THOC5: variants seen among roughly 807,000 people sequenced by gnomAD.
The protein encoded by THOC5 is Fms-interacting protein.
THOC5 carries 43 observed loss-of-function variants against 92.9 expected under a neutral mutation model. The ratio of observed to expected loss-of-function variants is 0.46; its 90% CI spans 0.36 to 0.60. The LOEUF is 0.60. Ranked by LOEUF, THOC5 falls within the 20% of genes least tolerant of loss-of-function variation. The pLI is 0.00. For missense variants in THOC5, 659 were observed against 849.4 expected, an observed-to-expected ratio of 0.78 and a Z score of 2.79; for synonymous variants, 296 against 320.1, an observed-to-expected ratio of 0.92 and a Z score of 0.80.
At chr22:29,519,944 A>T in intron 14 of THOC5, 64 bp downstream of exon 14, 1 of 1,406,976 alleles carries the variant, frequency 7.1e-7, no homozygotes, top group Non-Finnish European at 9.9e-7. Flanking sequence ...TGGCCTTTCT[A>T]GAGTCTATAC....
intron 6 of THOC5, among the ~76,000 whole-genome samples, chr22:29,538,326 C>T (rs2063802852): frequency 6.6e-6 from 1 of 152,044 alleles, no homozygotes; most frequent in African/African-American, 2.4e-5. Context: ...ACCTAAAATC[C>T]AACAGGGGAA....
chr22:29,552,874 C>CTT (rs1344719862), intron 1 of THOC5, among the ~76,000 whole-genome samples: 1 of 151,746 alleles, frequency 6.6e-6, no homozygotes, highest in Non-Finnish European at 1.5e-5. Flanking sequence ...ACAAGGGAGA[C>CTT]TCCATTTTGT....
At chr22:29,520,954 A>G (rs779993676) in intron 13 of THOC5, 44 bp downstream of exon 13, 4 of 1,485,804 alleles carry the variant, frequency 2.7e-6, no homozygotes, top group Non-Finnish European at 3.8e-6. Flanking sequence ...CACCAGAGAA[A>G]CTCAGAAGTA....
rs2063431573 is a variant in THOC5, at chr22:29,521,034, G to A, written c.1241C>T (p.Pro414Leu). 3 of 1,614,066 alleles carry A rather than the reference G, an allele frequency of 1.9e-6. No homozygotes were observed. The highest frequency in any genetic ancestry group is 2.5e-6 in the Non-Finnish European group (3 of 1,179,998). Residue 414 changes from proline (P) to leucine (L), a missense_variant, in exon 13 of 20, where the codon CCG (proline) becomes CTG (leucine). Physicochemically the swap from Pro to Leu is moderately conservative, Grantham distance 98. Coordinates refer to ENST00000490103, the MANE Select transcript of THOC5 (RefSeq NM_003678.5). ...LYPGDHGKKT[P>L]NPANQYQFDK... The stretch of plus-strand genomic sequence containing the variant: ...AAACTGATACTGATTGGCTGGATTC[G>A]GAGTTTTCTTTCCATGATCCCCAGG...
Position 29,507,400 on chromosome 22 carries a change from C to T in THOC5, c.*1057G>A, listed in dbSNP as rs916030918. Reference sequence around the variant, plus strand: ...TATTTTTGAGACGGAGTCTCACTCTCGCCCAAGCCGGAGCGCAGGAGCGTG... The same window carrying T: ...TATTTTTGAGACGGAGTCTCACTCTTGCCCAAGCCGGAGCGCAGGAGCGTG... On this transcript the variant is annotated 3_prime_UTR_variant, in exon 20 of 20. Coordinates refer to ENST00000490103, the MANE Select transcript of THOC5 (RefSeq NM_003678.5). The T allele has an allele frequency of 7.2e-5, 11 of 152,180 alleles. No homozygotes were observed. The highest frequency in any genetic ancestry group is 1.9e-4 in the East Asian group (1 of 5,196). The allele number at this position is 152,180 out of a possible 1,614,324, so 9.4% of individuals were successfully genotyped here.
intron 7 of THOC5, chr22:29,535,261 CAAAAAAAAAA>C (rs572658824): frequency 1.7e-5 from 1 of 58,930 alleles, no homozygotes; most frequent in Non-Finnish European, 3.3e-5. Context: ...ACTCTGTCTC[CAAAAAAAAAA>C]AAAAAAAAAG....
At chr22:29,512,205 C>T in intron 17 of THOC5, 69 bp from the exon 18 acceptor site, 1 of 1,212,224 alleles carries the variant, frequency 8.2e-7, no homozygotes, top group Non-Finnish European at 1.2e-6. Flanking sequence ...GCAGCCTCCC[C>T]ACTGCACCCC....
chr22:29,512,593 A>T (rs1433827466), intron 17 of THOC5, among the ~76,000 whole-genome samples: 3 of 152,178 alleles, frequency 2.0e-5, no homozygotes, highest in African/African-American at 7.2e-5. Flanking sequence ...TGTTACATAA[A>T]ATTCTGTATA....
chr22:29,547,722 C>T (rs573797118), intron 2 of THOC5, among the ~76,000 whole-genome samples: 1 of 152,310 alleles, frequency 6.6e-6, no homozygotes, highest in African/African-American at 2.4e-5. Flanking sequence ...CAAACTTTCC[C>T]ACATTTTCCT....
At chr22:29,543,634 C>A in intron 3 of THOC5, 92 bp from the exon 4 acceptor site, 3 of 807,334 alleles carry the variant, frequency 3.7e-6, no homozygotes, top group Non-Finnish European at 6.0e-6. Context: ...CATCTGGGGC[C>A]AAAAACGGCA....
In THOC5 at chr22:29,531,972, A is replaced by G. The variant is rs76460079; in HGVS notation, c.715-9T>C. 1,080 of 1,613,218 alleles carry G rather than the reference A, an allele frequency of 6.7e-4. 5 individuals are homozygous for G. In the African/African-American group the frequency reaches 0.013, roughly 19 times the overall value. ...TGCACCGGAAGGGAAGCCTGCACAC[A>G]AGAGACAGATTTTTGTTCTTCCTTT... is the stretch of plus-strand genomic sequence containing the variant. On this transcript the variant is annotated splice_polypyrimidine_tract_variant and intron_variant, in intron 7 of 19. Transcript: ENST00000490103.
intron 4 of THOC5, 51 bp from the exon 5 acceptor site, chr22:29,543,007 G>C (rs765395655): frequency 8.7e-6 from 12 of 1,376,492 alleles, no homozygotes; most frequent in Middle Eastern, 1.8e-4. Context: ...GGATGGAGCA[G>C]AGGAGAGGGT....
At chr22:29,546,144 C>T (rs1415469564) in intron 2 of THOC5, among the ~76,000 whole-genome samples, 1 of 152,212 alleles carries the variant, frequency 6.6e-6, no homozygotes, top group African/African-American at 2.4e-5. Flanking sequence ...TAGATTGGCC[C>T]CTTTCAGCCA....
intron 19 of THOC5, among the ~76,000 whole-genome samples, chr22:29,510,326 A>G (rs1042157193): frequency 9.2e-5 from 14 of 152,182 alleles, no homozygotes; most frequent in Non-Finnish European, 8.8e-5. Flanking sequence ...GTCAGGCACA[A>G]TGGCTCATGC....
At chr22:29,539,124 A>AC (rs2063825404) in intron 6 of THOC5, among the ~76,000 whole-genome samples, 1 of 151,568 alleles carries the variant, frequency 6.6e-6, no homozygotes, top group Admixed American at 6.6e-5. Context: ...AAAAAAAAAA[A>AC]AAAAAAACCC....
intron 11 of THOC5, among the ~76,000 whole-genome samples, chr22:29,526,995 G>A (rs2063557647): frequency 6.6e-6 from 1 of 152,146 alleles, no homozygotes; most frequent in Non-Finnish European, 1.5e-5. Context: ...TAACAGTATT[G>A]GGCCAATGAA....
intron 1 of THOC5, 101 bp downstream of exon 1, chr22:29,553,570 G>A (rs1294357290): frequency 6.5e-6 from 1 of 152,748 alleles, no homozygotes; most frequent in Admixed American, 6.5e-5. Context: ...AGCCGGGTCA[G>A]ACCCCAGCCC....
In THOC5 at chr22:29,510,599, G is replaced by A. The variant is rs1039220232; in HGVS notation, c.1988+507C>T. On this transcript the variant is annotated intron_variant, in intron 19 of 19. Transcript: ENST00000490103. Reference sequence around the variant, plus strand: ...CCAGTCTGGGCAAGAGAGTAAGACCGTGTCTCAAAGAAAAGGAAACAAACA... The same window carrying A: ...CCAGTCTGGGCAAGAGAGTAAGACCATGTCTCAAAGAAAAGGAAACAAACA... Among the ~76,000 whole-genome samples the A allele has an allele frequency of 1.5e-4, 23 of 152,218 alleles. No individual in the cohort carries two copies. In the East Asian group the frequency reaches 1.5e-3, roughly 10 times the overall value.
At chr22:29,539,550 T>C (rs1016031938) in intron 5 of THOC5, 74 bp from the exon 6 acceptor site, 7 of 1,514,422 alleles carry the variant, frequency 4.6e-6, no homozygotes, top group Admixed American at 1.8e-5. Context: ...CCCAAAGTTA[T>C]CCCCAACATA....
Sources: allele counts gnomAD v4.1 joint callset (sites outside exome capture counted in the v4.1 genomes callset), GRCh38; gene constraint gnomAD v4.1.1; transcripts MANE v1.5; gene names NCBI Gene and HGNC (gene_info 2026-07-23, HGNC 2026-07-21).